The following ARID5B variants were observed in gnomAD, a reference collection of about 807,000 sequenced individuals.
ARID5B encodes AT-rich interaction domain 5B.
ARID5B carries 13 observed loss-of-function variants against 97.2 expected under a neutral mutation model. The observed-to-expected ratio is 0.13, with a 90% confidence interval of 0.09 to 0.21. ARID5B has a LOEUF of 0.21. Ranked by LOEUF, ARID5B falls within the 10% of genes least tolerant of loss-of-function variation. ARID5B has a pLI of 1.00. For synonymous variants in ARID5B, 556 were observed against 570.3 expected (o/e 0.97, Z 0.36); for missense variants, 1,210 against 1,465.3 (o/e 0.83, Z 2.84).
rs61743705 is a variant in ARID5B, at chr10:61,902,334, G to T, written c.197G>T (p.Ser66Ile). The T allele has an allele frequency of 6.2e-7, 1 of 1,614,160 alleles. No individual in the cohort carries two copies. The highest frequency in any genetic ancestry group is 8.5e-7 in the Non-Finnish European group (1 of 1,180,046). The change falls in exon 2 of 10, where the codon AGC (serine) becomes ATC (isoleucine). Residue 66 changes from serine to isoleucine, a missense_variant. Coordinates refer to ENST00000279873, the MANE Select transcript of ARID5B (RefSeq NM_032199.3). Reference protein sequence around the residue: ...ELQLLWEERTSRQLLSSSKLY... With the variant: ...ELQLLWEERTIRQLLSSSKLY... ...CAGCTGTTGTGGGAAGAGAGGACCA[G>T]CCGGCAACTTTTATCCAGCTCTAAA...
At chr10:62,052,589 A>G (rs1036625189) in intron 5 of ARID5B, among the ~76,000 whole-genome samples, 3 of 152,208 alleles carry the variant, frequency 2.0e-5, no homozygotes, top group Non-Finnish European at 4.4e-5. Context: ...CAGAACTCAT[A>G]CAATTGATCT....
chr10:62,058,348 G>A (rs548941127), intron 6 of ARID5B, among the ~76,000 whole-genome samples: 38 of 152,232 alleles, frequency 2.5e-4, no homozygotes, highest in Non-Finnish European at 5.1e-4. Flanking sequence ...GAGGCTTTGC[G>A]AACATGTTGT....
chr10:61,901,773 G>A, intron 1 of ARID5B, 43 bp downstream of exon 1: 1 of 1,595,990 alleles, frequency 6.3e-7, no homozygotes, highest in Non-Finnish European at 8.5e-7. Flanking sequence ...GCACCCCCCG[G>A]CACCCCCCAA....
At chr10:61,902,542 G>C (rs1457819555) in intron 2 of ARID5B, 129 bp downstream of exon 2, 2 of 1,302,262 alleles carry the variant, frequency 1.5e-6, no homozygotes, top group Non-Finnish European at 2.1e-6. Flanking sequence ...TTTTTTAAAG[G>C]GGTAGCGCCA....
chr10:62,067,167 C>A (rs1189853672), intron 7 of ARID5B, among the ~76,000 whole-genome samples: 2 of 151,968 alleles, frequency 1.3e-5, no homozygotes, highest in Non-Finnish European at 2.9e-5. Context: ...CTCACCGCAA[C>A]CTCTGCCTCC....
intron 2 of ARID5B, among the ~76,000 whole-genome samples, chr10:61,910,089 T>A (rs1843776646): frequency 6.6e-6 from 1 of 152,222 alleles, no homozygotes; most frequent in African/African-American, 2.4e-5. Context: ...CTAAGCCACA[T>A]GTTTGATAGT....
At chr10:62,068,380 A>T (rs1231684508) in intron 7 of ARID5B, among the ~76,000 whole-genome samples, 2 of 152,060 alleles carry the variant, frequency 1.3e-5, no homozygotes, top group Admixed American at 6.5e-5. Flanking sequence ...TCGAGGTCCT[A>T]TTTGGGCCTG....
At chr10:62,035,804 G>A (rs979459104) in intron 4 of ARID5B, among the ~76,000 whole-genome samples, 1 of 151,594 alleles carries the variant, frequency 6.6e-6, no homozygotes, top group Non-Finnish European at 1.5e-5. Context: ...GAGTAAGGAA[G>A]CTTTTTGTTT....
chr10:62,030,775 C>T (rs1464335556), intron 4 of ARID5B, among the ~76,000 whole-genome samples: 1 of 152,178 alleles, frequency 6.6e-6, no homozygotes, highest in Non-Finnish European at 1.5e-5. Context: ...ATGTATTCAA[C>T]AATAGTTGCC....
In ARID5B at chr10:62,000,146, G is replaced by A. The variant is rs2132867501; in HGVS notation, c.558G>A (p.Arg186=). 6.2e-7 allele frequency: 1 copy of A among 1,613,978 alleles called. No homozygotes were observed. The highest frequency in any genetic ancestry group is 2.2e-5 in the East Asian group (1 of 44,862). The change falls in exon 4 of 10, where the codon CGG becomes CGA. Residue 186 remains arginine (R), a synonymous_variant. Coordinates refer to ENST00000279873, the MANE Select transcript of ARID5B (RefSeq NM_032199.3). This position sits in a 1 kb window ranked among gnomAD's most constrained non-coding sequence, Gnocchi z 4.4. ...VIVLSYPQYC[R]YRSMLKRIQD... Reference sequence around the variant, plus strand: ...TTCTCAGCTACCCCCAGTACTGCCGGTACCGCTCGATGCTGAAACGCATCC... The same window carrying A: ...TTCTCAGCTACCCCCAGTACTGCCGATACCGCTCGATGCTGAAACGCATCC...
In ARID5B at chr10:62,015,805, A is replaced by G. The variant is rs185197187; in HGVS notation, c.733+15484A>G. Among the ~76,000 whole-genome samples, 53 of 152,118 alleles carry G rather than the reference A, an allele frequency of 3.5e-4. 1 individual carries two copies. The highest frequency in any genetic ancestry group is 1.2e-3 in the African/African-American group (48 of 41,518). On this transcript the variant is annotated intron_variant, in intron 4 of 9. Transcript: ENST00000279873. ...TACCCAGCTAATTTTTGTATTTTCA[A>G]TAGAGATGGGGTTTCGCTACAGTGG...
At position 62,050,976 on chromosome 10, in the gene ARID5B, T is replaced by C. The variant is rs765859847; in HGVS notation, c.822T>C (p.Asn274=). 13 of 1,614,010 alleles carry C rather than the reference T, an allele frequency of 8.1e-6. No homozygotes were observed. In the African/African-American group the frequency reaches 1.7e-4, roughly 22 times the overall value. ...GTGGTGTTAAGGATTCCAACAACAA[T>C]TCCGATGGCAAAGCCGTTGCCAAGG... ...SFSGVKDSNN[N]SDGKAVAKVK... Residue 274 remains asparagine, a synonymous_variant, in exon 5 of 10, where the codon AAT becomes AAC. Transcript: ENST00000279873.
At chr10:61,966,218 A>T (rs1007381154) in intron 3 of ARID5B, among the ~76,000 whole-genome samples, 2 of 152,188 alleles carry the variant, frequency 1.3e-5, no homozygotes, top group Admixed American at 6.6e-5. Context: ...GGGAACAGGA[A>T]ACCATTTCAT....
At chr10:61,942,695 G>A (rs955816154) in intron 3 of ARID5B, among the ~76,000 whole-genome samples, 1 of 152,188 alleles carries the variant, frequency 6.6e-6, no homozygotes, top group Non-Finnish European at 1.5e-5. Context: ...GGGAGGCTGA[G>A]GCAAGAGAAT....
At chr10:61,912,981 T>C (rs1843835540) in intron 2 of ARID5B, among the ~76,000 whole-genome samples, 1 of 152,250 alleles carries the variant, frequency 6.6e-6, no homozygotes, top group African/African-American at 2.4e-5. Context: ...ATTAGCCAGA[T>C]ACAGTATCAG....
At chr10:61,942,858 T>A (rs1021111540) in intron 3 of ARID5B, among the ~76,000 whole-genome samples, 3 of 152,182 alleles carry the variant, frequency 2.0e-5, no homozygotes, top group South Asian at 4.1e-4. Context: ...TTTGTTTGTT[T>A]TGGTCTCATT....
At chr10:62,015,733 C>T (rs1839275837) in intron 4 of ARID5B, among the ~76,000 whole-genome samples, 1 of 152,126 alleles carries the variant, frequency 6.6e-6, no homozygotes, top group Non-Finnish European at 1.5e-5. Context: ...AAGAGATTCT[C>T]CCACCTCAGC....
chr10:61,911,299 G>A (rs1051952973), intron 2 of ARID5B, among the ~76,000 whole-genome samples: 1 of 152,192 alleles, frequency 6.6e-6, no homozygotes, highest in Non-Finnish European at 1.5e-5. Context: ...TCCTGAGCAC[G>A]AGTAAGATAA....
intron 3 of ARID5B, among the ~76,000 whole-genome samples, chr10:61,997,754 G>A (rs1178151822): frequency 1.3e-5 from 2 of 152,106 alleles, no homozygotes; most frequent in Non-Finnish European, 2.9e-5. Context: ...AATACAAATC[G>A]AGTGTAATAA....
Sources: gnomAD v4.1 joint callset for allele counts (sites outside exome capture counted in the v4.1 genomes callset) on GRCh38, gnomAD v4.1.1 for gene constraint, Gnocchi (gnomAD v3.1) non-coding constraint, MANE v1.5 for transcripts, NCBI Gene and HGNC (gene_info 2026-07-23, HGNC 2026-07-21) for gene names.